DDHD2: variants seen among roughly 807,000 people sequenced by gnomAD.
DDHD2 encodes the protein DDHD domain containing 2.
Under a neutral mutation model 91.2 loss-of-function variants are expected in DDHD2, and 62 were observed. That is an observed-to-expected ratio of 0.68 (90% CI 0.55 to 0.84). DDHD2 has a LOEUF of 0.84. Ranked by LOEUF, DDHD2 falls within the 40% of genes least tolerant of loss-of-function variation. The probability of loss-of-function intolerance (pLI) is 0.00; values close to 1 mark genes in which losing one functional copy is unlikely to be tolerated. For missense variants in DDHD2, 740 were observed against 846.9 expected (o/e 0.87, Z 1.57); for synonymous variants, 271 against 293.9 (o/e 0.92, Z 0.80).
intron 16 of DDHD2, 22 bp downstream of exon 16, chr8:38,253,740 CTGTTT>C (rs1377928608): frequency 6.2e-7 from 1 of 1,608,822 alleles, no homozygotes; most frequent in East Asian, 2.2e-5. Flanking sequence ...TTATTTTTGT[CTGTTT>C]TGTTTGTTTA....
At chr8:38,266,135 G>A (rs1245358210), downstream of DDHD2, 5 of 1,613,528 alleles carry the variant, frequency 3.1e-6, no homozygotes, top group Non-Finnish European at 8.5e-7. Flanking sequence ...TGAGTACTTT[G>A]CTTACCTTGC....
Position 38,269,015 on chromosome 8 carries a change from A to T in DDHD2, n.88-2107A>T, listed in dbSNP as rs1022212312. ...CCTAGAGGGGAACAAAGAAGCGCAG[A>T]GCAGGTCGCCTGGCTTCCTCCCCGC... On this transcript the variant is annotated intron_variant and non_coding_transcript_variant, in intron 1 of 1. Transcript: ENST00000526071. 4 of 1,557,038 alleles carry T rather than the reference A, an allele frequency of 2.6e-6. No individual in the cohort carries two copies. In the Admixed American group the frequency reaches 6.0e-5, roughly 23 times the overall value.
At position 38,245,945 on chromosome 8, in the gene DDHD2, G is replaced by A. The variant is rs1563306337; in HGVS notation, c.1052G>A (p.Ser351Asn). The A allele has an allele frequency of 5.0e-6, 8 of 1,612,804 alleles. No individual in the cohort carries two copies. The highest frequency in any genetic ancestry group is 6.8e-6 in the Non-Finnish European group (8 of 1,179,742). Residue 351 changes from serine to asparagine, a missense_variant, in exon 8 of 18, where the codon AGT becomes AAT. Physicochemically the swap from Ser to Asn is conservative, Grantham distance 46 (BLOSUM62 1). This residue lies in a region of DDHD2 where 693 missense variants were observed against 764.2 expected (regional missense o/e 0.91). Coordinates refer to ENST00000397166, the MANE Select transcript of DDHD2 (RefSeq NM_015214.3). ...FKGGVSIAGH[S>N]LGSLILFDIL... Reference sequence around the variant, plus strand: ...GGGGGTGTATCCATTGCTGGTCATAGTTTAGGTAACAAAATGAGTTCTGTG... The same window carrying A: ...GGGGGTGTATCCATTGCTGGTCATAATTTAGGTAACAAAATGAGTTCTGTG...
At chr8:38,242,124 T>C (rs775950202) in intron 6 of DDHD2, 126 bp from the exon 7 acceptor site, 189 of 733,622 alleles carry the variant, frequency 2.6e-4, no homozygotes, top group Admixed American at 5.1e-4. Flanking sequence ...TACCACTTTA[T>C]TTTTGACGGA....
At chr8:38,254,820 G>A (rs1434952652) in intron 16 of DDHD2, among the ~76,000 whole-genome samples, 1 of 151,936 alleles carries the variant, frequency 6.6e-6, no homozygotes, top group East Asian at 1.9e-4. Context: ...GCCAGGAGTT[G>A]AAGGCTGCAG....
rs993190049 is a variant in DDHD2 at position 38,240,800 on chromosome 8, C to T, written c.712+436C>T. Among the ~76,000 whole-genome samples, 6 of 152,012 alleles carry T rather than the reference C, an allele frequency of 3.9e-5. No homozygotes were observed. In the South Asian group the frequency reaches 8.3e-4, roughly 21 times the overall value. Reference sequence around the variant, plus strand: ...TGAAAGGTGTCCTCTAGGCTGGGTGCGGTGGCTCACGCCTGTAATCCCAGC... The same window carrying T: ...TGAAAGGTGTCCTCTAGGCTGGGTGTGGTGGCTCACGCCTGTAATCCCAGC... On this transcript the variant is annotated intron_variant, in intron 6 of 17. Transcript: ENST00000397166.
intron 6 of DDHD2, among the ~76,000 whole-genome samples, chr8:38,241,352 C>T (rs1298603506): frequency 6.6e-6 from 1 of 151,568 alleles, no homozygotes; most frequent in Non-Finnish European, 1.5e-5. Context: ...TGAAACAGTT[C>T]TCATGATGCC....
rs1423261641 is a variant in DDHD2 at position 38,234,438 on chromosome 8, TATG to T, written c.269_271del (p.Asp90del). 1 of 1,611,112 alleles carries T rather than the reference TATG, an allele frequency of 6.2e-7. No individual in the cohort carries two copies. The highest frequency in any genetic ancestry group is 8.5e-7 in the Non-Finnish European group (1 of 1,179,526). ...AGTTGTTCCTACTGATGGGGGCAGA[TATG>T]ATGTTCATTTGGGGGAGAGGATGCG... On this transcript the variant is annotated inframe_deletion, in exon 3 of 18. Coordinates refer to ENST00000397166, the MANE Select transcript of DDHD2 (RefSeq NM_015214.3).
chr8:38,266,074 T>C, downstream of DDHD2: 2 of 1,458,940 alleles, frequency 1.4e-6, no homozygotes, highest in African/African-American at 1.4e-5. Context: ...GCATCTCCTC[T>C]GTGCTAGGTG....
At chr8:38,239,014 ATGTG>A (rs1181491567) in intron 5 of DDHD2, 1 of 152,192 alleles carries the variant, frequency 6.6e-6, no homozygotes, top group Non-Finnish European at 1.5e-5. Context: ...TGTAAAAAGT[ATGTG>A]GGAGTGTCTG....
intron 6 of DDHD2, among the ~76,000 whole-genome samples, chr8:38,241,332 A>T (rs1805240617): frequency 6.7e-6 from 1 of 148,970 alleles, no homozygotes; most frequent in African/African-American, 2.5e-5. Context: ...TCATGTGATT[A>T]AAAAAAAAAT....
Position 38,251,895 on chromosome 8 carries a change from T to C in DDHD2, c.1345-17T>C. ...GTCATGCCCAGCTTCTCCACATAACTATTTTTTATTCTTTAGGGTATTAAG... is the reference window on the plus strand; with the variant it reads ...GTCATGCCCAGCTTCTCCACATAACCATTTTTTATTCTTTAGGGTATTAAG... On this transcript the variant is annotated splice_polypyrimidine_tract_variant and intron_variant, in intron 11 of 17. Transcript: ENST00000397166. 2 of 1,591,346 alleles carry C rather than the reference T, an allele frequency of 1.3e-6. No individual in the cohort carries two copies. Among genetic ancestry groups the C allele is most frequent in the East Asian group, 2.2e-5 (1 of 44,738 alleles).
At chr8:38,254,709 T>C (rs1356317746) in intron 16 of DDHD2, among the ~76,000 whole-genome samples, 6 of 152,084 alleles carry the variant, frequency 3.9e-5, no homozygotes, top group Admixed American at 2.0e-4. Flanking sequence ...TGATGGATTG[T>C]AGAATGGATT....
At position 38,232,972 on chromosome 8, in the gene DDHD2, T is replaced by A. The variant is rs770287920; in HGVS notation, c.-8-15T>A. 6.2e-7 allele frequency: 1 copy of A among 1,604,520 alleles called. No homozygotes were observed. Among genetic ancestry groups the A allele is most frequent in the Non-Finnish European group, 8.5e-7 (1 of 1,174,154 alleles). ...AGTTAAGTTCGTTTTCCTGATAGTT[T>A]TCTTTTGTCTTTAGAGAGCGAAATG... On this transcript the variant is annotated splice_polypyrimidine_tract_variant and intron_variant, in intron 1 of 17. Transcript: ENST00000397166.
In DDHD2 at chr8:38,255,348, G is replaced by T. The variant is rs755344699; in HGVS notation, c.2054+1630G>T. On this transcript the variant is annotated intron_variant, in intron 16 of 17. Coordinates refer to ENST00000397166, the MANE Select transcript of DDHD2 (RefSeq NM_015214.3). ...CAATCTTGTAAGGGGCTAAAATAAT[G>T]CTAAGAATGATCTCTGGTGATCTGG... 34 of 509,608 alleles carry T rather than the reference G, an allele frequency of 6.7e-5. 1 individual carries two copies. The highest frequency in any genetic ancestry group is 4.9e-4 in the South Asian group (34 of 69,138). The allele number at this position is 509,608 out of a possible 1,614,324, so 31.6% of individuals were successfully genotyped here.
intron 17 of DDHD2, 76 bp downstream of exon 17, chr8:38,260,223 C>A: frequency 1.2e-6 from 1 of 807,240 alleles, no homozygotes; most frequent in South Asian, 1.8e-5. Context: ...GAGCCTCAAG[C>A]TCTTTTTAAA....
rs1431556739 is a variant in DDHD2 at position 38,253,096 on chromosome 8, A to G, written c.1860A>G (p.Ala620=). Residue 620 remains alanine (A), a synonymous_variant, in exon 15 of 18, where the codon GCA becomes GCG. Coordinates refer to ENST00000397166, the MANE Select transcript of DDHD2 (RefSeq NM_015214.3). ...QASETPEETE[A]EPESTSEKPS... ...CAGAAACACCAGAAGAAACTGAAGCAGAACCTGAATCAACTTCAGAGAAGC... is the reference window on the plus strand; with the variant it reads ...CAGAAACACCAGAAGAAACTGAAGCGGAACCTGAATCAACTTCAGAGAAGC... The G allele has an allele frequency of 1.9e-6, 3 of 1,614,134 alleles. No homozygotes were observed. In the South Asian group the frequency reaches 3.3e-5, roughly 18 times the overall value.
intron 7 of DDHD2, among the ~76,000 whole-genome samples, chr8:38,243,733 A>G (rs1379783926): frequency 6.7e-6 from 1 of 150,336 alleles, no homozygotes; most frequent in Non-Finnish European, 1.5e-5. Flanking sequence ...GGCTCAGATG[A>G]TCCTCCTGCC....
At position 38,245,785 on chromosome 8, in the gene DDHD2, C is replaced by T. The variant is rs1488781089; in HGVS notation, c.892C>T (p.His298Tyr). 3 of 1,614,166 alleles carry T rather than the reference C, an allele frequency of 1.9e-6. No homozygotes were observed. The South Asian group carries it at 3.3e-5, about 18-fold the overall frequency. ...ITLPSINRLR[H>Y]FTNDTILDVF... ...CCTGCCCAGCATTAACCGCCTCAGG[C>T]ACTTCACCAATGACACAATTCTGGA... The change falls in exon 8 of 18, where the codon CAC becomes TAC. Residue 298 changes from histidine to tyrosine, a missense_variant. Coordinates refer to ENST00000397166, the MANE Select transcript of DDHD2 (RefSeq NM_015214.3).
Sources: gnomAD v4.1 joint callset for allele counts (sites outside exome capture counted in the v4.1 genomes callset) on GRCh38, gnomAD v4.1.1 for gene constraint, gnomAD v4.1.1 regional missense constraint, MANE v1.5 for transcripts, NCBI Gene and HGNC (gene_info 2026-07-23, HGNC 2026-07-21) for gene names.